CTNNA2: variants seen among roughly 807,000 people sequenced by gnomAD.
CTNNA2 encodes catenin alpha-2.
Under a neutral mutation model 101.0 loss-of-function variants are expected in CTNNA2, and 42 were observed. The observed-to-expected ratio is 0.42, with a 90% CI of 0.32 to 0.54. The LOEUF is 0.54. CTNNA2 is among the 20% of genes least tolerant of loss of function. The probability of loss-of-function intolerance (pLI) is 0.14; values close to 1 mark genes in which losing one functional copy is unlikely to be tolerated. For missense variants in CTNNA2, 871 were observed against 1,223.1 expected, an observed-to-expected ratio of 0.71 and a Z score of 4.29; for synonymous variants, 450 against 456.4, an observed-to-expected ratio of 0.99 and a Z score of 0.18.
At chr2:79,541,344 T>TAC (rs1182040802) in intron 1 of CTNNA2, among the ~76,000 whole-genome samples, 92 of 142,412 alleles carry the variant, frequency 6.5e-4, no homozygotes, top group South Asian at 6.0e-3. Flanking sequence ...TATATATATA[T>TAC]ACACACACAC....
chr2:79,990,380 G>T (rs1456133008), intron 7 of CTNNA2, among the ~76,000 whole-genome samples: 1 of 152,152 alleles, frequency 6.6e-6, no homozygotes, highest in East Asian at 1.9e-4. Flanking sequence ...TGGCCCTACT[G>T]ATACCAGGAA....
intron 7 of CTNNA2, among the ~76,000 whole-genome samples, chr2:79,969,441 C>G (rs1291410229): frequency 6.6e-6 from 1 of 152,190 alleles, no homozygotes; most frequent in African/African-American, 2.4e-5. Flanking sequence ...AAAGAGAGGA[C>G]TGTCCTTCCA....
intron 4 of CTNNA2, among the ~76,000 whole-genome samples, chr2:79,374,908 C>A (rs2104457768): frequency 6.6e-6 from 1 of 152,170 alleles, no homozygotes; most frequent in South Asian, 2.1e-4. Flanking sequence ...GGCTCATGAC[C>A]TGTGTGCCAA....
chr2:79,324,031 G>A (rs1305271909), intron 3 of CTNNA2, among the ~76,000 whole-genome samples: 2 of 152,192 alleles, frequency 1.3e-5, no homozygotes, highest in East Asian at 3.9e-4. Context: ...TGTTACAGAA[G>A]AGAGAAAATT....
chr2:79,490,904 G>A (rs1671201492), intron 4 of CTNNA2, among the ~76,000 whole-genome samples: 1 of 152,148 alleles, frequency 6.6e-6, no homozygotes, highest in African/African-American at 2.4e-5. Flanking sequence ...GAATATAATT[G>A]CTATTTCCCC....
At chr2:80,345,931 G>A (rs1672694436) in intron 7 of CTNNA2, among the ~76,000 whole-genome samples, 1 of 152,122 alleles carries the variant, frequency 6.6e-6, no homozygotes, top group Non-Finnish European at 1.5e-5. Context: ...TTGGATGATT[G>A]CTACTGCTTA....
chr2:80,271,818 A>T (rs2149140736), intron 7 of CTNNA2, among the ~76,000 whole-genome samples: 1 of 152,334 alleles, frequency 6.6e-6, no homozygotes, highest in East Asian at 1.9e-4. Context: ...TATATGGTAA[A>T]CACTAAAAAT....
intron 2 of CTNNA2, among the ~76,000 whole-genome samples, chr2:79,700,479 C>T (rs1342342111): frequency 6.6e-6 from 1 of 152,098 alleles, no homozygotes; most frequent in Non-Finnish European, 1.5e-5. Flanking sequence ...CCAGTCCCTT[C>T]TTCCCCAATA....
At chr2:80,263,899 G>T (rs148771337) in intron 7 of CTNNA2, among the ~76,000 whole-genome samples, 1 of 152,130 alleles carries the variant, frequency 6.6e-6, no homozygotes, top group Admixed American at 6.5e-5. Flanking sequence ...TTTATGTGGA[G>T]ACCTTTTGAA....
At chr2:80,543,690 C>G (rs1213425552) in intron 9 of CTNNA2, among the ~76,000 whole-genome samples, 1 of 152,170 alleles carries the variant, frequency 6.6e-6, no homozygotes, top group Non-Finnish European at 1.5e-5. Context: ...GATCTCCAGG[C>G]CTGTACTCTT....
chr2:79,434,537 G>T (rs1678693118), intron 4 of CTNNA2, among the ~76,000 whole-genome samples: 2 of 152,282 alleles, frequency 1.3e-5, no homozygotes, highest in South Asian at 4.1e-4. Context: ...AGCTGAGTCT[G>T]GTCCTGCAGG....
chr2:80,506,537 G>A (rs1454692243), intron 9 of CTNNA2, among the ~76,000 whole-genome samples: 2 of 152,210 alleles, frequency 1.3e-5, no homozygotes, highest in Non-Finnish European at 2.9e-5. Context: ...AAATTGGGCA[G>A]TTTAAAGGAG....
At chr2:80,522,712 C>T (rs936868344) in intron 9 of CTNNA2, among the ~76,000 whole-genome samples, 1 of 152,068 alleles carries the variant, frequency 6.6e-6, no homozygotes, top group South Asian at 2.1e-4. Context: ...TTCTTGCCAG[C>T]CACGTGAAGA....
intron 7 of CTNNA2, among the ~76,000 whole-genome samples, chr2:79,967,751 A>G (rs561480933): frequency 6.6e-6 from 1 of 152,344 alleles, no homozygotes; most frequent in East Asian, 1.9e-4. Flanking sequence ...ATAGTCACTC[A>G]AACAAATACA....
chr2:80,600,368 C>T (rs916326478), intron 15 of CTNNA2, among the ~76,000 whole-genome samples: 2 of 151,586 alleles, frequency 1.3e-5, no homozygotes, highest in Non-Finnish European at 2.9e-5. Context: ...CATTTGACTA[C>T]AATAAAATTA....
intron 7 of CTNNA2, among the ~76,000 whole-genome samples, chr2:80,234,851 T>A (rs1389489908): frequency 6.6e-6 from 1 of 152,182 alleles, no homozygotes; most frequent in African/African-American, 2.4e-5. Context: ...GTAAATATTT[T>A]TAGTTTTGTA....
chr2:80,596,293 T>TGTTTTG (rs1696962606), intron 15 of CTNNA2, among the ~76,000 whole-genome samples: 43 of 43,110 alleles, frequency 1.0e-3, no homozygotes, highest in Non-Finnish European at 8.9e-4. Flanking sequence ...TTTTTTTTTT[T>TGTTTTG]TTTTTTTTTT....
chr2:79,411,797 A>T (rs529966625), intron 4 of CTNNA2, among the ~76,000 whole-genome samples: 8 of 152,268 alleles, frequency 5.3e-5, no homozygotes, highest in African/African-American at 1.9e-4. Context: ...AATCATGCCA[A>T]AATGTAAAGA....
intron 7 of CTNNA2, among the ~76,000 whole-genome samples, chr2:79,917,311 G>A (rs1453844467): frequency 6.6e-6 from 1 of 152,010 alleles, no homozygotes; most frequent in Non-Finnish European, 1.5e-5. Context: ...CTCGTGATCC[G>A]CCTGCCTTGG....
Sources: allele counts gnomAD v4.1 joint callset (sites outside exome capture counted in the v4.1 genomes callset), GRCh38; gene constraint gnomAD v4.1.1; transcripts MANE v1.5; gene names NCBI Gene and HGNC (gene_info 2026-07-23, HGNC 2026-07-21).